RNF180: variants seen among roughly 807,000 people sequenced by gnomAD.
The protein encoded by RNF180 is E3 ubiquitin-protein ligase RNF180.
A neutral mutation model predicts 59.2 loss-of-function variants in RNF180; 38 were observed. The observed-to-expected ratio is 0.64, with a 90% CI of 0.50 to 0.84. The LOEUF (loss-of-function observed/expected upper bound fraction) is 0.84. Ranked by LOEUF, RNF180 falls within the 40% of genes least tolerant of loss-of-function variation. The pLI, the probability that RNF180 is intolerant of heterozygous loss-of-function variation, is 0.00. For missense variants in RNF180, 705 were observed against 700.9 expected, an observed-to-expected ratio of 1.01 and a Z score of -0.07; for synonymous variants, 262 against 240.3, an observed-to-expected ratio of 1.09 and a Z score of -0.84.
chr5:64,227,682 G>A (rs769061726), intron 5 of RNF180, among the ~76,000 whole-genome samples: 3 of 152,202 alleles, frequency 2.0e-5, no homozygotes, highest in Non-Finnish European at 4.4e-5. Context: ...TTTAGAACAT[G>A]TTTATTCTAA....
chr5:64,203,001 A>G (rs1235698361), intron 2 of RNF180, among the ~76,000 whole-genome samples: 1 of 152,202 alleles, frequency 6.6e-6, no homozygotes, highest in African/African-American at 2.4e-5. Flanking sequence ...AGGATATCAT[A>G]TGATGTCACT....
At chr5:64,235,485 A>G (rs1003733209) in intron 5 of RNF180, among the ~76,000 whole-genome samples, 3 of 152,004 alleles carry the variant, frequency 2.0e-5, no homozygotes, top group Admixed American at 6.6e-5. Context: ...ATAAATATAT[A>G]CATTTGCCAA....
intron 5 of RNF180, among the ~76,000 whole-genome samples, chr5:64,291,966 T>G (rs1385850844): frequency 1.3e-5 from 2 of 152,212 alleles, no homozygotes; most frequent in African/African-American, 4.8e-5. Flanking sequence ...TTCTTATGTT[T>G]TTTTAGCTCC....
chr5:64,364,146 C>A (rs1449356751), intron 7 of RNF180, among the ~76,000 whole-genome samples: 1 of 151,730 alleles, frequency 6.6e-6, no homozygotes, highest in East Asian at 1.9e-4. Context: ...TTACAGAGGG[C>A]ATCCTTGTCT....
chr5:64,235,316 T>C (rs183391006), intron 5 of RNF180, among the ~76,000 whole-genome samples: 554 of 152,250 alleles, frequency 3.6e-3, no homozygotes, highest in Non-Finnish European at 5.9e-3. Context: ...AAGCAGGCTA[T>C]ATGAGTATCT....
At chr5:64,235,276 C>G (rs554064704) in intron 5 of RNF180, among the ~76,000 whole-genome samples, 1 of 152,122 alleles carries the variant, frequency 6.6e-6, no homozygotes, top group Non-Finnish European at 1.5e-5. Flanking sequence ...GGGCAAGACC[C>G]TGTCTCAAAC....
chr5:64,196,792 TTTTTC>T (rs1414199179), intron 1 of RNF180, among the ~76,000 whole-genome samples: 5 of 152,090 alleles, frequency 3.3e-5, no homozygotes, highest in African/African-American at 7.2e-5. Flanking sequence ...GAGGAGCTGT[TTTTTC>T]TTTTCTGTTT....
At chr5:64,259,635 AAT>A (rs1243934608) in intron 5 of RNF180, among the ~76,000 whole-genome samples, 1 of 152,106 alleles carries the variant, frequency 6.6e-6, no homozygotes, top group East Asian at 1.9e-4. Context: ...GCTCTTATAA[AAT>A]TCAGGCCAGG....
At chr5:64,172,420 T>C (rs1749987088) in intron 1 of RNF180, among the ~76,000 whole-genome samples, 2 of 151,892 alleles carry the variant, frequency 1.3e-5, no homozygotes, top group Admixed American at 1.3e-4. Context: ...GAATTTTTAG[T>C]GAGTTCAATA....
intron 3 of RNF180, 78 bp downstream of exon 3, chr5:64,212,238 T>C: frequency 1.2e-6 from 1 of 840,062 alleles, no homozygotes; most frequent in Non-Finnish European, 2.0e-6. Flanking sequence ...GAGCTATTTT[T>C]CTTAGATGCA....
chr5:64,191,738 A>G (rs1023465905), intron 1 of RNF180, among the ~76,000 whole-genome samples: 6 of 152,152 alleles, frequency 3.9e-5, no homozygotes, highest in African/African-American at 1.2e-4. Flanking sequence ...ATCCCATTCC[A>G]TAAGTTGCCT....
intron 5 of RNF180, among the ~76,000 whole-genome samples, chr5:64,324,305 C>G (rs1744518484): frequency 6.6e-6 from 1 of 152,194 alleles, no homozygotes; most frequent in South Asian, 2.1e-4. Context: ...ACAGGGCACA[C>G]TCACACACAC....
intron 7 of RNF180, among the ~76,000 whole-genome samples, chr5:64,339,895 T>TAACA (rs1745292037): frequency 6.6e-6 from 1 of 152,150 alleles, no homozygotes; most frequent in Non-Finnish European, 1.5e-5. Flanking sequence ...TTTCATGTAT[T>TAACA]AACACATAAA....
At chr5:64,269,260 TCTCA>T (rs1214421206) in intron 5 of RNF180, among the ~76,000 whole-genome samples, 1 of 152,126 alleles carries the variant, frequency 6.6e-6, no homozygotes. Context: ...TGAGACAGGG[TCTCA>T]CTCTGTCACC....
At chr5:64,210,260 CTCT>C (rs1239895105) in intron 2 of RNF180, among the ~76,000 whole-genome samples, 1 of 152,056 alleles carries the variant, frequency 6.6e-6, no homozygotes, top group Non-Finnish European at 1.5e-5. Flanking sequence ...TTGTGAAATA[CTCT>C]TCTAAGGTGG....
At chr5:64,219,384 T>C (rs1189409910) in intron 5 of RNF180, among the ~76,000 whole-genome samples, 1 of 152,150 alleles carries the variant, frequency 6.6e-6, no homozygotes, top group Non-Finnish European at 1.5e-5. Context: ...TATGCCTCCG[T>C]CGTTGAAGAA....
At chr5:64,212,812 C>G (rs1293560983) in intron 3 of RNF180, among the ~76,000 whole-genome samples, 1 of 152,118 alleles carries the variant, frequency 6.6e-6, no homozygotes, top group Admixed American at 6.5e-5. Context: ...AGTAGTAGGA[C>G]TTTGGAAATA....
chr5:64,196,912 G>T (rs1471942678), intron 1 of RNF180, among the ~76,000 whole-genome samples: 1 of 152,116 alleles, frequency 6.6e-6, no homozygotes, highest in Non-Finnish European at 1.5e-5. Flanking sequence ...TTGCTTTGGA[G>T]AAGGTATCTG....
chr5:64,184,515 A>T (rs907172518), intron 1 of RNF180, among the ~76,000 whole-genome samples: 1 of 152,200 alleles, frequency 6.6e-6, no homozygotes, highest in East Asian at 1.9e-4. Flanking sequence ...TTGCTCACCA[A>T]CTATTTGGTT....
Sources: allele counts gnomAD v4.1 joint callset (sites outside exome capture counted in the v4.1 genomes callset), GRCh38; gene constraint gnomAD v4.1.1; transcripts MANE v1.5; gene names NCBI Gene and HGNC (gene_info 2026-07-23, HGNC 2026-07-21).